The following CTNNA3 variants were observed in gnomAD, a reference collection of about 807,000 sequenced individuals.
The protein encoded by CTNNA3 is catenin alpha 3, also known as catenin alpha-3.
CTNNA3 carries 76 observed loss-of-function variants against 95.7 expected under a neutral mutation model. The ratio of observed to expected loss-of-function variants is 0.79; its 90% CI spans 0.66 to 0.96. The LOEUF (loss-of-function observed/expected upper bound fraction) is 0.96. Ranked by LOEUF, CTNNA3 falls within the 40% of genes least tolerant of loss-of-function variation. The pLI, the probability that CTNNA3 is intolerant of heterozygous loss-of-function variation, is 0.00. For missense variants in CTNNA3, 1,191 were observed against 1,089.8 expected (o/e 1.09, Z -1.31); for synonymous variants, 431 against 374.4 (o/e 1.15, Z -1.74).
At chr10:66,766,201 T>C (rs765780889) in intron 9 of CTNNA3, 63 bp downstream of exon 9, 24 of 1,539,664 alleles carry the variant, frequency 1.6e-5, no homozygotes, top group African/African-American at 4.1e-5. Flanking sequence ...AATTCAACCA[T>C]AAATGGAGAA....
intron 13 of CTNNA3, among the ~76,000 whole-genome samples, chr10:66,256,589 C>T (rs542853086): frequency 1.6e-3 from 245 of 152,046 alleles, no homozygotes; most frequent in Non-Finnish European, 2.7e-3. Flanking sequence ...GTCATGGTGG[C>T]ACATGCCTGT....
intron 10 of CTNNA3, among the ~76,000 whole-genome samples, chr10:66,572,109 G>C (rs1842884075): frequency 6.6e-6 from 1 of 152,076 alleles, no homozygotes; most frequent in African/African-American, 2.4e-5. Context: ...GAGGCCGGGA[G>C]TGGTGGCTTA....
intron 16 of CTNNA3, among the ~76,000 whole-genome samples, chr10:65,970,129 T>C (rs1004540180): frequency 5.3e-5 from 8 of 152,100 alleles, no homozygotes; most frequent in Non-Finnish European, 8.8e-5. Context: ...TTTTCAGAAT[T>C]CTTGAAGCAA....
chr10:65,944,402 G>A (rs539458439), intron 17 of CTNNA3, among the ~76,000 whole-genome samples: 6 of 152,328 alleles, frequency 3.9e-5, no homozygotes, highest in Non-Finnish European at 5.9e-5. Context: ...GGGGCTATTC[G>A]AAAATGCTAC....
chr10:66,177,675 G>A (rs1163588086), intron 13 of CTNNA3, among the ~76,000 whole-genome samples: 1 of 151,920 alleles, frequency 6.6e-6, no homozygotes, highest in East Asian at 1.9e-4. Flanking sequence ...ACGTAAGTGA[G>A]CATTTTATAT....
intron 6 of CTNNA3, among the ~76,000 whole-genome samples, chr10:67,209,666 C>A (rs1864059761): frequency 6.6e-6 from 1 of 151,380 alleles, no homozygotes; most frequent in Non-Finnish European, 1.5e-5. Context: ...GACCAAAATT[C>A]AGTAAAACTA....
rs549256848 is a variant in CTNNA3 at position 66,968,621 on chromosome 10, C to G, written c.1048-193097G>C. Among the ~76,000 whole-genome samples the G allele has an allele frequency of 2.6e-5, 4 of 152,092 alleles. No individual in the cohort carries two copies. The East Asian group carries it at 7.7e-4, about 29-fold the overall frequency. On this transcript the variant is annotated intron_variant, in intron 7 of 17. Coordinates refer to ENST00000433211, the MANE Select transcript of CTNNA3 (RefSeq NM_013266.4). ...CAGCACCTAACAGAGAAAAGACACTCAATACATATTCATTAAAAGAAGAAT... is the reference window on the plus strand; with the variant it reads ...CAGCACCTAACAGAGAAAAGACACTGAATACATATTCATTAAAAGAAGAAT...
At chr10:67,030,951 C>A (rs1482184045) in intron 7 of CTNNA3, among the ~76,000 whole-genome samples, 3 of 152,082 alleles carry the variant, frequency 2.0e-5, no homozygotes, top group Admixed American at 2.0e-4. Flanking sequence ...TTGCAGTGAG[C>A]CGAGATTGCA....
At chr10:66,979,292 T>C (rs943622351) in intron 7 of CTNNA3, among the ~76,000 whole-genome samples, 41 of 152,112 alleles carry the variant, frequency 2.7e-4, no homozygotes, top group African/African-American at 8.2e-4. Flanking sequence ...AGTAGGACTT[T>C]TAGAATTGGT....
At chr10:67,716,480 C>G (rs1051066668) in intron 1 of CTNNA3, among the ~76,000 whole-genome samples, 1 of 152,162 alleles carries the variant, frequency 6.6e-6, no homozygotes, top group African/African-American at 2.4e-5. Context: ...CTAGCCTCCA[C>G]CCCTCAACAG....
chr10:67,357,725 AG>A (rs1305528319), intron 5 of CTNNA3, among the ~76,000 whole-genome samples: 3 of 152,128 alleles, frequency 2.0e-5, no homozygotes, highest in African/African-American at 7.2e-5. Flanking sequence ...TCTTATAAAT[AG>A]TAAGCATGCA....
At chr10:66,123,030 C>T (rs1387244661) in intron 13 of CTNNA3, among the ~76,000 whole-genome samples, 2 of 152,128 alleles carry the variant, frequency 1.3e-5, no homozygotes, top group African/African-American at 2.4e-5. Flanking sequence ...TCAGTCCTCA[C>T]ATTTAAAAAC....
At chr10:66,476,969 A>ATTAT (rs1260191670) in intron 11 of CTNNA3, among the ~76,000 whole-genome samples, 4 of 152,216 alleles carry the variant, frequency 2.6e-5, no homozygotes, top group African/African-American at 7.2e-5. Flanking sequence ...AAATGTATCC[A>ATTAT]TTATTTATGT....
At chr10:67,281,643 CCAAGATACTT>C (rs1375905227) in intron 5 of CTNNA3, among the ~76,000 whole-genome samples, 1 of 152,054 alleles carries the variant, frequency 6.6e-6, no homozygotes, top group Non-Finnish European at 1.5e-5. Context: ...AATTAATTTT[CCAAGATACTT>C]CAATTTCATA....
intron 2 of CTNNA3, among the ~76,000 whole-genome samples, chr10:67,631,794 A>AG (rs1839151811): frequency 6.6e-6 from 1 of 152,008 alleles, no homozygotes; most frequent in South Asian, 2.1e-4. Context: ...TTCAGTCATA[A>AG]AAAAAAGTAA....
In CTNNA3 at chr10:66,960,536, C is replaced by A. The variant is rs1301560875; in HGVS notation, c.1048-185012G>T. On this transcript the variant is annotated intron_variant, in intron 7 of 17. Transcript: ENST00000433211. ...TGATCTTTTCTCAGATAATATGTAG[C>A]ATGAAAATACAAGTTAATTATTCAC... Among the ~76,000 whole-genome samples the A allele has an allele frequency of 2.0e-5, 3 of 152,002 alleles. No individual in the cohort carries two copies. The East Asian group carries it at 5.8e-4, about 29-fold the overall frequency.
chr10:66,711,974 A>C (rs1241231292), intron 9 of CTNNA3, among the ~76,000 whole-genome samples: 2 of 152,198 alleles, frequency 1.3e-5, no homozygotes, highest in East Asian at 1.9e-4. Flanking sequence ...GGCCCCAGCC[A>C]TCTTTTCTGA....
At chr10:66,523,938 T>C (rs1841158730) in intron 10 of CTNNA3, among the ~76,000 whole-genome samples, 1 of 152,166 alleles carries the variant, frequency 6.6e-6, no homozygotes, top group Non-Finnish European at 1.5e-5. Flanking sequence ...TCTAAAACCG[T>C]CCCCAGGTTG....
intron 7 of CTNNA3, among the ~76,000 whole-genome samples, chr10:67,155,855 G>T (rs1185910213): frequency 6.6e-6 from 1 of 152,114 alleles, no homozygotes; most frequent in Non-Finnish European, 1.5e-5. Flanking sequence ...AGAAGAGCTT[G>T]AGAAGGATTG....
Sources: allele counts gnomAD v4.1 joint callset (sites outside exome capture counted in the v4.1 genomes callset), GRCh38; gene constraint gnomAD v4.1.1; transcripts MANE v1.5; gene names NCBI Gene and HGNC (gene_info 2026-07-23, HGNC 2026-07-21).